NCKAP5: variants seen among roughly 807,000 people sequenced by gnomAD.
The protein encoded by NCKAP5 is NCK associated protein 5.
In NCKAP5, 92 loss-of-function variants were observed where a neutral mutation model predicts 167.0. That is an observed-to-expected ratio of 0.55 (90% confidence interval 0.47 to 0.66). The LOEUF is 0.66. NCKAP5 is among the 30% of genes least tolerant of loss of function. NCKAP5 has a pLI of 0.00. For missense variants in NCKAP5, 2,378 were observed against 2,315.0 expected, an observed-to-expected ratio of 1.03 and a Z score of -0.56; for synonymous variants, 891 against 877.4, an observed-to-expected ratio of 1.02 and a Z score of -0.27.
chr2:132,873,991 G>A (rs926034930), intron 9 of NCKAP5, among the ~76,000 whole-genome samples: 10 of 152,004 alleles, frequency 6.6e-5, no homozygotes, highest in African/African-American at 1.7e-4. Flanking sequence ...CCTCCAGGGC[G>A]ATAGAATCTG....
Position 132,898,413 on chromosome 2 carries a change from G to T in NCKAP5, c.580-19497C>A, listed in dbSNP as rs570169231. On this transcript the variant is annotated intron_variant, in intron 8 of 19. Coordinates refer to ENST00000409261, the MANE Select transcript of NCKAP5 (RefSeq NM_207363.3). ...TGGAATCAAATTCTTCCAAACTCCC[G>T]TTAATGTTTATATTTTGACCTTTTC... 2.6e-5 allele frequency among the ~76,000 whole-genome samples: 4 copies of T among 152,154 alleles called. No homozygotes were observed. The South Asian group carries it at 8.3e-4, about 32-fold the overall frequency.
chr2:133,601,338 C>T, the NCKAP5 span, among the ~76,000 whole-genome samples: 1 of 152,206 alleles, frequency 6.6e-6, no homozygotes, highest in South Asian at 2.1e-4. Flanking sequence ...GGAAGACTCA[C>T]CCACTCATTT....
intron 12 of NCKAP5, among the ~76,000 whole-genome samples, chr2:132,791,649 C>T (rs893356742): frequency 3.3e-5 from 5 of 152,186 alleles, no homozygotes; most frequent in Non-Finnish European, 4.4e-5. Flanking sequence ...TGCAGAGTGG[C>T]AAAGCCTTTT....
At chr2:133,134,142 C>T (rs934043908) in intron 5 of NCKAP5, among the ~76,000 whole-genome samples, 1 of 152,194 alleles carries the variant, frequency 6.6e-6, no homozygotes, top group Non-Finnish European at 1.5e-5. Context: ...AAACAGACCT[C>T]AGTCCACTGT....
At chr2:133,201,587 TTTA>T (rs2085690825) in intron 5 of NCKAP5, among the ~76,000 whole-genome samples, 2 of 152,162 alleles carry the variant, frequency 1.3e-5, no homozygotes, top group African/African-American at 4.8e-5. Flanking sequence ...TAAAAGAGAA[TTTA>T]TTGTGGTGAT....
chr2:132,785,759 T>A (rs1296092803), intron 13 of NCKAP5, 41 bp from the exon 14 acceptor site: 2 of 1,412,522 alleles, frequency 1.4e-6, no homozygotes, highest in East Asian at 5.0e-5. Flanking sequence ...TTGAACCATG[T>A]AGATCACAAA....
At chr2:133,089,468 G>T (rs1354392336) in intron 6 of NCKAP5, among the ~76,000 whole-genome samples, 1 of 152,030 alleles carries the variant, frequency 6.6e-6, no homozygotes, top group Non-Finnish European at 1.5e-5. Context: ...GAGACTGATG[G>T]CTCAAAAAAA....
chr2:133,270,117 C>G (rs780913430), intron 4 of NCKAP5, among the ~76,000 whole-genome samples: 15 of 152,068 alleles, frequency 9.9e-5, no homozygotes, highest in Non-Finnish European at 1.8e-4. Context: ...TAGAATAGTT[C>G]CTGACTTTTC....
At chr2:133,411,270 C>T (rs1440803069) in intron 3 of NCKAP5, among the ~76,000 whole-genome samples, 1 of 152,174 alleles carries the variant, frequency 6.6e-6, no homozygotes, top group African/African-American at 2.4e-5. Flanking sequence ...TGCAGAGAGT[C>T]ATGTGTATGG....
At chr2:132,976,168 T>A (rs1357438120) in intron 7 of NCKAP5, among the ~76,000 whole-genome samples, 1 of 152,162 alleles carries the variant, frequency 6.6e-6, no homozygotes, top group Non-Finnish European at 1.5e-5. Context: ...ACCTATGGAA[T>A]CTAAAGAAGA....
intron 5 of NCKAP5, among the ~76,000 whole-genome samples, chr2:133,167,697 A>C (rs936107401): frequency 6.6e-6 from 1 of 152,190 alleles, no homozygotes; most frequent in African/African-American, 2.4e-5. Flanking sequence ...TCCAGCTTTG[A>C]CATGAACTAG....
At chr2:133,525,056 T>A (rs1012972048) in intron 2 of NCKAP5, among the ~76,000 whole-genome samples, 3 of 152,208 alleles carry the variant, frequency 2.0e-5, no homozygotes, top group African/African-American at 7.2e-5. Context: ...CCATTTTGAA[T>A]ATGAGTATAA....
intron 3 of NCKAP5, among the ~76,000 whole-genome samples, chr2:133,482,769 TAG>T (rs1161794859): frequency 6.6e-6 from 1 of 152,198 alleles, no homozygotes; most frequent in Non-Finnish European, 1.5e-5. Flanking sequence ...AACAGTGTAA[TAG>T]AGTTCCCTTT....
At chr2:132,870,656 G>A (rs527473065) in intron 9 of NCKAP5, among the ~76,000 whole-genome samples, 2 of 151,242 alleles carry the variant, frequency 1.3e-5, no homozygotes, top group African/African-American at 2.4e-5. Flanking sequence ...ACACTTTTGT[G>A]TTATTTTTCT....
chr2:132,793,043 T>C (rs1409736204), intron 12 of NCKAP5, among the ~76,000 whole-genome samples: 2 of 152,200 alleles, frequency 1.3e-5, no homozygotes, highest in African/African-American at 4.8e-5. Context: ...TCACTCTTGT[T>C]GCCCAGGCTG....
chr2:133,450,362 G>C (rs1232275878), intron 3 of NCKAP5, among the ~76,000 whole-genome samples: 3 of 152,116 alleles, frequency 2.0e-5, no homozygotes, highest in African/African-American at 7.2e-5. Flanking sequence ...CCTGAACACA[G>C]TTGTTTTCAG....
rs1242781122 is a variant in NCKAP5 at position 132,928,402 on chromosome 2, T to G, written c.579+35318A>C. 3.3e-5 allele frequency among the ~76,000 whole-genome samples: 5 copies of G among 152,324 alleles called. No homozygotes were observed. In the East Asian group the frequency reaches 9.6e-4, roughly 29 times the overall value. On this transcript the variant is annotated intron_variant, in intron 8 of 19. Coordinates refer to ENST00000409261, the MANE Select transcript of NCKAP5 (RefSeq NM_207363.3). ...AATATTACTCATTAATTGATGAGGT[T>G]TCCTTAACAAAGACATGGTTTGTGT...
At chr2:133,142,071 A>C (rs1384913418) in intron 5 of NCKAP5, among the ~76,000 whole-genome samples, 1 of 152,190 alleles carries the variant, frequency 6.6e-6, no homozygotes, top group Non-Finnish European at 1.5e-5. Flanking sequence ...AGGTAAGGTT[A>C]AACAGAAATA....
intron 4 of NCKAP5, among the ~76,000 whole-genome samples, chr2:133,240,045 AG>A (rs1305160413): frequency 2.6e-5 from 4 of 152,178 alleles, no homozygotes; most frequent in Non-Finnish European, 5.9e-5. Context: ...TACATTAGCC[AG>A]AAAGGAGACC....
Sources: allele counts gnomAD v4.1 joint callset (sites outside exome capture counted in the v4.1 genomes callset), GRCh38; gene constraint gnomAD v4.1.1; transcripts MANE v1.5; gene names NCBI Gene and HGNC (gene_info 2026-07-23, HGNC 2026-07-21).